The following CSMD1 variants were observed in gnomAD, a reference collection of about 807,000 sequenced individuals.
CSMD1 encodes the protein CUB and Sushi multiple domains 1.
Under a neutral mutation model 417.5 loss-of-function variants are expected in CSMD1, and 213 were observed. The observed-to-expected ratio is 0.51, with a 90% confidence interval of 0.46 to 0.57. CSMD1 has a LOEUF of 0.57. CSMD1 is among the 20% of genes least tolerant of loss of function. CSMD1 has a pLI of 0.00. For missense variants in CSMD1, 6,923 were observed against 4,529.7 expected (o/e 1.53, Z -15.17); for synonymous variants, 2,862 against 1,736.8 (o/e 1.65, Z -16.11).
intron 9 of CSMD1, among the ~76,000 whole-genome samples, chr8:3,584,089 T>C (rs1800497478): frequency 6.6e-6 from 1 of 152,184 alleles, no homozygotes; most frequent in Non-Finnish European, 1.5e-5. Flanking sequence ...TTAAGTTTAT[T>C]ACTTCAAATA....
chr8:4,209,612 A>T (rs537874845), intron 3 of CSMD1, among the ~76,000 whole-genome samples: 5 of 152,266 alleles, frequency 3.3e-5, no homozygotes, highest in Admixed American at 1.3e-4. Flanking sequence ...GTGATGCAGG[A>T]AAGACAAGCC....
In CSMD1 at chr8:3,814,297, G is replaced by C. The variant is rs184857509; in HGVS notation, c.819-60255C>G. On this transcript the variant is annotated intron_variant, in intron 5 of 69. Transcript: ENST00000635120. ...TCTGTATCTGAATCTTGAGTCATTT[G>C]TTCTTTCTACTCAGTTCCTGCAAAC... 2.6e-5 allele frequency among the ~76,000 whole-genome samples: 4 copies of C among 152,222 alleles called. No individual in the cohort carries two copies. In the East Asian group the frequency reaches 5.8e-4, roughly 22 times the overall value.
intron 1 of CSMD1, among the ~76,000 whole-genome samples, chr8:4,819,228 T>C (rs1252175315): frequency 1.3e-5 from 2 of 152,172 alleles, no homozygotes; most frequent in East Asian, 1.9e-4. Context: ...ATTATTACAA[T>C]ATTAACTAGT....
At chr8:4,021,287 T>C (rs1796776937) in intron 4 of CSMD1, among the ~76,000 whole-genome samples, 1 of 152,220 alleles carries the variant, frequency 6.6e-6, no homozygotes, top group Non-Finnish European at 1.5e-5. Context: ...AAAATTATAA[T>C]CCTTTGGAAG....
intron 6 of CSMD1, among the ~76,000 whole-genome samples, chr8:3,721,501 C>G (rs950057295): frequency 9.2e-5 from 14 of 152,278 alleles, no homozygotes; most frequent in African/African-American, 3.4e-4. Context: ...AGCAAGGTAA[C>G]TTACAGCATT....
intron 23 of CSMD1, among the ~76,000 whole-genome samples, chr8:3,328,103 G>A (rs1330925521): frequency 6.6e-6 from 1 of 152,140 alleles, no homozygotes; most frequent in African/African-American, 2.4e-5. Flanking sequence ...TCCTGCTGCT[G>A]GTTTGTTTCT....
intron 5 of CSMD1, among the ~76,000 whole-genome samples, chr8:3,804,607 T>A: frequency 6.6e-6 from 1 of 152,174 alleles, no homozygotes; most frequent in East Asian, 1.9e-4. Flanking sequence ...TAGTATCTTT[T>A]TCATTTAAAA....
At chr8:3,494,614 G>A (rs527703804) in intron 10 of CSMD1, among the ~76,000 whole-genome samples, 51 of 151,678 alleles carry the variant, frequency 3.4e-4, no homozygotes, top group African/African-American at 1.2e-3. Context: ...ATAGATGACA[G>A]ATAGTAGATA....
chr8:3,700,707 G>C (rs1169926471), intron 7 of CSMD1: 1 of 152,216 alleles, frequency 6.6e-6, no homozygotes, highest in Non-Finnish European at 1.5e-5. Flanking sequence ...TCAGGCTGAG[G>C]AGAGAGGAGA....
At chr8:4,951,086 T>C (rs866367170) in intron 1 of CSMD1, among the ~76,000 whole-genome samples, 3 of 151,590 alleles carry the variant, frequency 2.0e-5, no homozygotes, top group Middle Eastern at 3.4e-3. Flanking sequence ...AAGAATGAGA[T>C]TTAGACAATG....
intron 2 of CSMD1, among the ~76,000 whole-genome samples, chr8:4,616,094 G>T (rs1016211986): frequency 5.3e-5 from 8 of 152,146 alleles, no homozygotes; most frequent in African/African-American, 1.9e-4. Flanking sequence ...ACTTGCCTAA[G>T]CCCAAACTAT....
At chr8:3,660,241 T>C (rs1425575674) in intron 7 of CSMD1, among the ~76,000 whole-genome samples, 1 of 152,198 alleles carries the variant, frequency 6.6e-6, no homozygotes, top group Non-Finnish European at 1.5e-5. Flanking sequence ...CTATTTACTG[T>C]CTGTGGGATC....
At chr8:3,335,032 A>G (rs530407017) in intron 23 of CSMD1, among the ~76,000 whole-genome samples, 10 of 152,212 alleles carry the variant, frequency 6.6e-5, no homozygotes, top group Non-Finnish European at 1.3e-4. Context: ...TGTCTCTTAA[A>G]CATTTCTGAT....
At chr8:4,891,751 A>C (rs147825773) in intron 1 of CSMD1, among the ~76,000 whole-genome samples, 1 of 152,248 alleles carries the variant, frequency 6.6e-6, no homozygotes, top group South Asian at 2.1e-4. Flanking sequence ...ATTATTTCCC[A>C]AAACTCCCTA....
At chr8:4,183,062 C>T (rs1048251604) in intron 3 of CSMD1, among the ~76,000 whole-genome samples, 1 of 152,132 alleles carries the variant, frequency 6.6e-6, no homozygotes. Context: ...ACAGATACCA[C>T]TGCTAGATGT....
At chr8:4,915,141 T>C (rs998235000) in intron 1 of CSMD1, among the ~76,000 whole-genome samples, 8 of 152,004 alleles carry the variant, frequency 5.3e-5, no homozygotes, top group African/African-American at 1.7e-4. Context: ...ACGAAGAAAA[T>C]GGAATACGCA....
chr8:3,358,398 C>G (rs1371344263), intron 21 of CSMD1, among the ~76,000 whole-genome samples: 1 of 152,182 alleles, frequency 6.6e-6, no homozygotes, highest in Non-Finnish European at 1.5e-5. Context: ...GTCCGTATAG[C>G]TAACTACGAG....
chr8:4,083,436 A>T (rs535894109), intron 3 of CSMD1, among the ~76,000 whole-genome samples: 1 of 152,238 alleles, frequency 6.6e-6, no homozygotes, highest in South Asian at 2.1e-4. Flanking sequence ...CCTGACTTCA[A>T]ACTATACTAC....
At position 4,971,586 on chromosome 8, in the gene CSMD1, C is replaced by G. The variant is rs1810240322; in HGVS notation, c.85+22746G>C. Among the ~76,000 whole-genome samples, 3 of 151,784 alleles carry G rather than the reference C, an allele frequency of 2.0e-5. No homozygotes were observed. In the East Asian group the frequency reaches 5.8e-4, roughly 29 times the overall value. ...TATATTTAGCAGTAGGCTATGTTTA[C>G]CACACATTCAAAGACTATGATTTCT... is the stretch of plus-strand genomic sequence containing the variant. On this transcript the variant is annotated intron_variant, in intron 1 of 69. Coordinates refer to ENST00000635120, the MANE Select transcript of CSMD1 (RefSeq NM_033225.6).
Sources: allele counts gnomAD v4.1 joint callset (sites outside exome capture counted in the v4.1 genomes callset), GRCh38; gene constraint gnomAD v4.1.1; transcripts MANE v1.5; gene names NCBI Gene and HGNC (gene_info 2026-07-23, HGNC 2026-07-21).